Variants in EPB41 observed in about 807,000 individuals in gnomAD.
EPB41 encodes the protein protein 4.1.
EPB41 carries 65 observed loss-of-function variants against 108.0 expected under a neutral mutation model. The ratio of observed to expected loss-of-function variants is 0.60; its 90% confidence interval spans 0.49 to 0.74. The LOEUF is 0.74. Among genes scored for constraint, EPB41 ranks in the 30% least tolerant of loss-of-function variants. The pLI is 0.00. For synonymous variants in EPB41, 336 were observed against 358.9 expected (o/e 0.94, Z 0.72); for missense variants, 875 against 1,037.0 (o/e 0.84, Z 2.15).
At chr1:28,897,793 G>C (rs889814029) in intron 1 of EPB41, among the ~76,000 whole-genome samples, 1 of 152,098 alleles carries the variant, frequency 6.6e-6, no homozygotes, top group Admixed American at 6.5e-5. Flanking sequence ...TGCTTGCCTC[G>C]AAGATTCAGT....
chr1:29,078,762 T>C (rs1401662616), intron 16 of EPB41, among the ~76,000 whole-genome samples: 2 of 152,014 alleles, frequency 1.3e-5, no homozygotes, highest in Non-Finnish European at 2.9e-5. Context: ...AAATAAATAA[T>C]AAAATATGTA....
At chr1:28,963,677 C>T (rs910683101) in intron 1 of EPB41, among the ~76,000 whole-genome samples, 2 of 152,078 alleles carry the variant, frequency 1.3e-5, no homozygotes, top group Non-Finnish European at 2.9e-5. Flanking sequence ...TTCATGGCAA[C>T]AAAAAGAACC....
At chr1:29,051,088 GTTTTTTTTTTT>G (rs71586885) in intron 11 of EPB41, among the ~76,000 whole-genome samples, 10 of 51,584 alleles carry the variant, frequency 1.9e-4, no homozygotes, top group Admixed American at 6.1e-4. Flanking sequence ...TTCTTTTTCT[GTTTTTTTTTTT>G]TTTTTTTTTT....
At chr1:28,917,040 C>T (rs2092724199) in intron 1 of EPB41, among the ~76,000 whole-genome samples, 1 of 152,110 alleles carries the variant, frequency 6.6e-6, no homozygotes, top group South Asian at 2.1e-4. Flanking sequence ...ATCCTCCTCC[C>T]TGGGCCTCCC....
chr1:29,011,944 C>G, intron 5 of EPB41, 37 bp downstream of exon 5: 1 of 1,609,532 alleles, frequency 6.2e-7, no homozygotes, highest in Non-Finnish European at 8.5e-7. Context: ...TTCTTTCTTT[C>G]TTTTAGTAGG....
chr1:29,030,265 T>G, intron 7 of EPB41, 135 bp from the exon 8 acceptor site: 1 of 692,164 alleles, frequency 1.4e-6, no homozygotes, highest in Non-Finnish European at 2.5e-6. Context: ...TAACCTACTT[T>G]CAGGACTAGG....
At chr1:29,045,006 C>T (rs551742713) in intron 11 of EPB41, among the ~76,000 whole-genome samples, 13 of 152,280 alleles carry the variant, frequency 8.5e-5, no homozygotes, top group African/African-American at 3.1e-4. Context: ...CAATACCACA[C>T]TATCTTAATT....
intron 1 of EPB41, chr1:28,893,869 A>T (rs552682578): frequency 2.0e-5 from 3 of 152,356 alleles, no homozygotes; most frequent in African/African-American, 7.2e-5. Context: ...TGACTGCCAC[A>T]TGAGCTGATT....
intron 16 of EPB41, chr1:29,097,457 C>T (rs1322807189): frequency 5.7e-6 from 2 of 348,452 alleles, no homozygotes; most frequent in African/African-American, 4.2e-5. Flanking sequence ...GGTACAGACA[C>T]AAGGACAAAT....
intron 1 of EPB41, among the ~76,000 whole-genome samples, chr1:28,923,106 CTTTTCTTT>C (rs1337722520): frequency 8.7e-6 from 1 of 114,712 alleles, no homozygotes; most frequent in Non-Finnish European, 1.7e-5. Context: ...CCTTTCTTTT[CTTTTCTTT>C]TTTTTTTTTT....
At chr1:29,082,210 C>T (rs1264493076) in intron 16 of EPB41, among the ~76,000 whole-genome samples, 9 of 151,236 alleles carry the variant, frequency 6.0e-5, no homozygotes, top group African/African-American at 9.7e-5. Context: ...CTGCAACCTC[C>T]GCCTCCCGAG....
At chr1:29,050,444 C>A (rs932111512) in intron 11 of EPB41, among the ~76,000 whole-genome samples, 3 of 152,194 alleles carry the variant, frequency 2.0e-5, no homozygotes, top group African/African-American at 7.2e-5. Context: ...TGAATTAATT[C>A]TTTGAGAGGA....
chr1:28,922,781 C>A (rs1195981069), intron 1 of EPB41, among the ~76,000 whole-genome samples: 1 of 152,000 alleles, frequency 6.6e-6, no homozygotes, highest in East Asian at 1.9e-4. Context: ...GTGTGTGCTA[C>A]CATGCCCGGC....
rs190316334 is a variant in EPB41 at position 29,017,574 on chromosome 1, A to G, written c.906-650A>G. Among the ~76,000 whole-genome samples, 153 of 152,360 alleles carry G rather than the reference A, an allele frequency of 1.0e-3. 2 individuals are homozygous for G. The highest frequency in any genetic ancestry group is 2.9e-3 in the African/African-American group (121 of 41,586). ...TGGGATTAGTCTTACAAGGTGGCTAATAGTATGTAGAAAGCTGCATGCGAC... is the reference window on the plus strand; with the variant it reads ...TGGGATTAGTCTTACAAGGTGGCTAGTAGTATGTAGAAAGCTGCATGCGAC... On this transcript the variant is annotated intron_variant, in intron 6 of 20. Transcript: ENST00000343067.
chr1:29,108,609 G>A (rs1255258349), intron 17 of EPB41, among the ~76,000 whole-genome samples: 2 of 151,572 alleles, frequency 1.3e-5, no homozygotes, highest in Non-Finnish European at 1.5e-5. Flanking sequence ...CAGGCTGGAA[G>A]TACAGTGGCG....
chr1:29,013,501 A>T (rs12039129), intron 5 of EPB41, among the ~76,000 whole-genome samples: 13 of 152,050 alleles, frequency 8.5e-5, no homozygotes, highest in African/African-American at 2.4e-4. Flanking sequence ...GGGGTTTTTT[A>T]AATTTTGTTT....
chr1:28,971,973 A>G (rs1158151046), intron 1 of EPB41, among the ~76,000 whole-genome samples: 1 of 151,948 alleles, frequency 6.6e-6, no homozygotes, highest in Non-Finnish European at 1.5e-5. Flanking sequence ...ACAGCTCACT[A>G]CAGTCTCGAC....
chr1:29,033,520 AACTT>A (rs1462784408), intron 9 of EPB41, among the ~76,000 whole-genome samples: 2 of 152,214 alleles, frequency 1.3e-5, no homozygotes, highest in Non-Finnish European at 2.9e-5. Context: ...GCCAAGCAAA[AACTT>A]AATGGAAAAA....
chr1:28,937,722 T>TA (rs560167398), intron 1 of EPB41, among the ~76,000 whole-genome samples: 9 of 152,200 alleles, frequency 5.9e-5, no homozygotes, highest in African/African-American at 2.2e-4. Flanking sequence ...GTCCAATTTA[T>TA]AAAAAAATTT....
Sources: gnomAD v4.1 joint callset for allele counts (sites outside exome capture counted in the v4.1 genomes callset) on GRCh38, gnomAD v4.1.1 for gene constraint, MANE v1.5 for transcripts, NCBI Gene and HGNC (gene_info 2026-07-23, HGNC 2026-07-21) for gene names.